The following FOXN2 variants were observed in gnomAD, a reference collection of about 807,000 sequenced individuals.
The protein encoded by FOXN2 is forkhead box N2, also known as forkhead box protein N2.
Under a neutral mutation model 41.2 loss-of-function variants are expected in FOXN2, and 19 were observed. That is an observed-to-expected ratio of 0.46 (90% CI 0.32 to 0.68). FOXN2 has a LOEUF of 0.68. Among genes scored for constraint, FOXN2 ranks in the 30% least tolerant of loss-of-function variants. The pLI is 0.03. For missense variants in FOXN2, 587 were observed against 509.4 expected (o/e 1.15, Z -1.47); for synonymous variants, 195 against 176.8 (o/e 1.10, Z -0.82).
At position 48,360,375 on chromosome 2, in the gene FOXN2, TAGAG is replaced by T. The variant is rs796409230; in HGVS notation, c.638+1232_638+1235del. Among the ~76,000 whole-genome samples, 55 of 152,258 alleles carry T rather than the reference TAGAG, an allele frequency of 3.6e-4. 1 individual carries two copies. The highest frequency in any genetic ancestry group is 1.2e-3 in the African/African-American group (50 of 41,570). ...GGAAATTTTTAAACATGGAAAAAAG[TAGAG>T]AGAAAGTTATAATGAACTCCCAGCT... On this transcript the variant is annotated intron_variant, in intron 4 of 6. Transcript: ENST00000340553.
At chr2:48,318,905 G>C (rs1003810175) in intron 1 of FOXN2, among the ~76,000 whole-genome samples, 3 of 152,146 alleles carry the variant, frequency 2.0e-5, no homozygotes, top group African/African-American at 7.2e-5. Flanking sequence ...TAAACATTTA[G>C]AATATATGTT....
At chr2:48,342,111 A>C (rs1329058054) in intron 2 of FOXN2, among the ~76,000 whole-genome samples, 1 of 152,230 alleles carries the variant, frequency 6.6e-6, no homozygotes, top group Non-Finnish European at 1.5e-5. Flanking sequence ...CACATTAAAG[A>C]AAAATTGGGA....
rs1453227270 is a variant in FOXN2, at chr2:48,374,996, T to A, written c.849T>A (p.Ala283=). 1 of 1,614,036 alleles carries A rather than the reference T, an allele frequency of 6.2e-7. No homozygotes were observed. The highest frequency in any genetic ancestry group is 2.2e-5 in the East Asian group (1 of 44,868). The change falls in exon 7 of 7, where the codon GCT becomes GCA. Residue 283 remains alanine, a synonymous_variant. Transcript: ENST00000340553. ...SYGNAFHHPS[A]VRLQESDSLA... ...GCAATGCATTTCATCATCCCAGTGC[T>A]GTACGATTACAAGAGAGTGATTCTT...
At chr2:48,342,322 T>C (rs1328064968) in intron 2 of FOXN2, among the ~76,000 whole-genome samples, 3 of 152,128 alleles carry the variant, frequency 2.0e-5, no homozygotes, top group African/African-American at 7.2e-5. Context: ...ATGTAAGTTG[T>C]TTATAGTTTT....
intron 2 of FOXN2, 37 bp from the exon 3 acceptor site, chr2:48,346,164 T>C (rs1572735688): frequency 6.7e-7 from 1 of 1,501,906 alleles, no homozygotes; most frequent in South Asian, 1.3e-5. Context: ...TTTAAGAATC[T>C]AAAGTATTAC....
chr2:48,331,694 G>C (rs1259335348), intron 2 of FOXN2, among the ~76,000 whole-genome samples: 1 of 151,806 alleles, frequency 6.6e-6, no homozygotes, highest in African/African-American at 2.4e-5. Context: ...ACACACACCT[G>C]TTGTCCCAGC....
At chr2:48,320,400 C>T (rs1000517914) in intron 1 of FOXN2, among the ~76,000 whole-genome samples, 2 of 151,962 alleles carry the variant, frequency 1.3e-5, no homozygotes, top group Non-Finnish European at 2.9e-5. Flanking sequence ...AAGCAGTTCT[C>T]CAGCCTCAGC....
intron 2 of FOXN2, among the ~76,000 whole-genome samples, chr2:48,343,655 A>C (rs891232787): frequency 2.0e-5 from 3 of 151,938 alleles, no homozygotes; most frequent in Non-Finnish European, 2.9e-5. Context: ...GCTACTTGGG[A>C]GGCTGGGGCA....
rs531158141 is a variant in FOXN2 at position 48,354,548 on chromosome 2, C to T, written c.538-4499C>T. ...CCAGGAGGCAGAGGTTGCAGTGAGC[C>T]GAGACTGTGCCACTGCACTCCAGCC... On this transcript the variant is annotated intron_variant, in intron 3 of 6. Transcript: ENST00000340553. Among the ~76,000 whole-genome samples, 6 of 152,202 alleles carry T rather than the reference C, an allele frequency of 3.9e-5. No homozygotes were observed. In the East Asian group the frequency reaches 5.8e-4, roughly 15 times the overall value.
chr2:48,334,620 A>G (rs1013802103), intron 2 of FOXN2, among the ~76,000 whole-genome samples: 1 of 152,204 alleles, frequency 6.6e-6, no homozygotes, highest in East Asian at 1.9e-4. Flanking sequence ...AGGGGAGAGT[A>G]CTTAGGCCAG....
At chr2:48,372,967 A>T (rs1177189623) in intron 5 of FOXN2, among the ~76,000 whole-genome samples, 1 of 151,214 alleles carries the variant, frequency 6.6e-6, no homozygotes, top group African/African-American at 2.4e-5. Context: ...TAGCTAATTT[A>T]ATCTGTTTAA....
At position 48,375,463 on chromosome 2, in the gene FOXN2, A is replaced by G. The variant is rs1673194205; in HGVS notation, c.*20A>G. ...AAATAGAAATACTTAAAGTGTGGCA[A>G]TACTCTTTCACTTAATTCTTTACAA... On this transcript the variant is annotated 3_prime_UTR_variant, in exon 7 of 7. Coordinates refer to ENST00000340553, the MANE Select transcript of FOXN2 (RefSeq NM_002158.4). 6.3e-7 allele frequency: 1 copy of G among 1,575,636 alleles called. No homozygotes were observed. The highest frequency in any genetic ancestry group is 8.6e-7 in the Non-Finnish European group (1 of 1,162,340).
At position 48,376,016 on chromosome 2, in the gene FOXN2, G is replaced by T; in HGVS notation, c.*573G>T. On this transcript the variant is annotated 3_prime_UTR_variant, in exon 7 of 7. Transcript: ENST00000340553. ...CCTGATGTTTAGAAAGTTTCTTTTG[G>T]TTACGTAGGTAGAGAATACAACAAA... 6.6e-6 allele frequency: 1 copy of T among 152,480 alleles called. No individual in the cohort carries two copies. Among genetic ancestry groups the T allele is most frequent in the Admixed American group, 6.5e-5 (1 of 15,302 alleles). 9.4% of individuals were successfully genotyped at this position (152,480 alleles called of 1,614,324 possible).
intron 3 of FOXN2, among the ~76,000 whole-genome samples, chr2:48,349,867 G>A (rs375073686): frequency 1.3e-5 from 2 of 152,238 alleles, no homozygotes; most frequent in East Asian, 1.9e-4. Flanking sequence ...GTAAAAGAAT[G>A]TAAGAAAAAG....
chr2:48,320,061 A>G (rs1263317843), intron 1 of FOXN2, among the ~76,000 whole-genome samples: 1 of 152,026 alleles, frequency 6.6e-6, no homozygotes, highest in Admixed American at 6.6e-5. Flanking sequence ...TTTTTCTTAA[A>G]AGAGGAAATA....
intron 2 of FOXN2, among the ~76,000 whole-genome samples, chr2:48,344,053 T>G (rs1399740642): frequency 1.3e-5 from 2 of 151,978 alleles, no homozygotes; most frequent in Non-Finnish European, 2.9e-5. Flanking sequence ...TAAAGAGTGG[T>G]TTTTTGTTTG....
chr2:48,359,408 C>T (rs967463782), intron 4 of FOXN2, among the ~76,000 whole-genome samples: 2 of 152,084 alleles, frequency 1.3e-5, no homozygotes, highest in Non-Finnish European at 2.9e-5. Flanking sequence ...ATCCTCCCAC[C>T]TCGGCCTCCC....
At chr2:48,313,962 G>A (rs1444035297), upstream of FOXN2, among the ~76,000 whole-genome samples, 1 of 152,238 alleles carries the variant, frequency 6.6e-6, no homozygotes, top group African/African-American at 2.4e-5. Flanking sequence ...CAATGGATGT[G>A]AAGTCCTTAG....
In FOXN2 at chr2:48,375,205, C is replaced by G; in HGVS notation, c.1058C>G (p.Thr353Arg). The G allele has an allele frequency of 6.2e-7, 1 of 1,614,114 alleles. No homozygotes were observed. The highest frequency in any genetic ancestry group is 2.2e-5 in the East Asian group (1 of 44,886). The change falls in exon 7 of 7, where the codon ACA becomes AGA. Residue 353 changes from threonine to arginine, a missense_variant. Thr to Arg is a moderately conservative substitution (Grantham distance 71, BLOSUM62 -1). Coordinates refer to ENST00000340553, the MANE Select transcript of FOXN2 (RefSeq NM_002158.4). ...GAAGGATTTCACAGTGAAGAAGATA[C>G]AGACGTTGATTATGAAGATGATCCT... ...GSEGFHSEED[T>R]DVDYEDDPLG... is the part of the protein sequence containing the mutation.
Sources: gnomAD v4.1 joint callset for allele counts (sites outside exome capture counted in the v4.1 genomes callset) on GRCh38, gnomAD v4.1.1 for gene constraint, MANE v1.5 for transcripts, NCBI Gene and HGNC (gene_info 2026-07-23, HGNC 2026-07-21) for gene names.